Variants in PIK3R1 observed in about 807,000 individuals in gnomAD.
PIK3R1 encodes the protein phosphoinositide-3-kinase regulatory subunit 1.
Under a neutral mutation model 98.0 loss-of-function variants are expected in PIK3R1, and 29 were observed. The observed-to-expected ratio is 0.30, with a 90% confidence interval of 0.22 to 0.40. The LOEUF is 0.40. PIK3R1 is among the 10% of genes least tolerant of loss of function. The pLI, the probability that PIK3R1 is intolerant of heterozygous loss-of-function variation, is 1.00. For synonymous variants in PIK3R1, 282 were observed against 311.8 expected (o/e 0.90, Z 1.01); for missense variants, 596 against 872.7 (o/e 0.68, Z 3.99).
At chr5:68,290,587 T>A (rs1747330850) in intron 7 of PIK3R1, 1 of 1,270,448 alleles carries the variant, frequency 7.9e-7, no homozygotes, top group East Asian at 2.7e-5. Flanking sequence ...GACATTTTTC[T>A]GACTTGATTG....
intron 2 of PIK3R1, among the ~76,000 whole-genome samples, chr5:68,270,380 T>C (rs141996003): frequency 2.0e-5 from 3 of 152,306 alleles, no homozygotes; most frequent in African/African-American, 7.2e-5. Context: ...AACTTTTGGG[T>C]GCATATTTCA....
Position 68,300,379 on chromosome 5 carries a change from G to A in PIK3R1, c.*2778G>A. ...ACAGTCCTAACAATATTGTCTGAACGGCTGAATATGAATAGATACAGCAGA... is the reference window on the plus strand; with the variant it reads ...ACAGTCCTAACAATATTGTCTGAACAGCTGAATATGAATAGATACAGCAGA... On this transcript the variant is annotated 3_prime_UTR_variant, in exon 16 of 16. Transcript: ENST00000521381. 2 of 232,794 alleles carry A rather than the reference G, an allele frequency of 8.6e-6. No homozygotes were observed. Among genetic ancestry groups the A allele is most frequent in the African/African-American group, 2.2e-5 (1 of 45,428 alleles). The allele number at this position is 232,794 out of a possible 1,614,324, so 14.4% of individuals were successfully genotyped here. A position where few individuals can be genotyped will look rare whatever the true frequency, so the allele number is the denominator to read the frequency against.
intron 2 of PIK3R1, chr5:68,240,062 A>G (rs913086772): frequency 3.1e-5 from 8 of 261,692 alleles, no homozygotes; most frequent in Admixed American, 5.0e-5. Flanking sequence ...TGTAGATAAC[A>G]TTATAGATTT....
At chr5:68,217,985 A>C (rs1435856895) in intron 1 of PIK3R1, among the ~76,000 whole-genome samples, 1 of 152,062 alleles carries the variant, frequency 6.6e-6, no homozygotes, top group African/African-American at 2.4e-5. Context: ...CTGCTATTTG[A>C]TGTTTTATCT....
At chr5:68,271,554 C>T (rs971836422) in intron 2 of PIK3R1, among the ~76,000 whole-genome samples, 2 of 150,614 alleles carry the variant, frequency 1.3e-5, no homozygotes, top group African/African-American at 5.0e-5. Context: ...GCACTAGCCA[C>T]CTATGGTTGT....
chr5:68,265,272 A>C (rs751604482), intron 2 of PIK3R1, among the ~76,000 whole-genome samples: 2 of 152,138 alleles, frequency 1.3e-5, no homozygotes, highest in African/African-American at 4.8e-5. Flanking sequence ...GAGGGTATTT[A>C]TTTACTAAAT....
intron 4 of PIK3R1, 89 bp from the exon 5 acceptor site, chr5:68,279,510 TGTC>T: frequency 1.2e-6 from 1 of 850,918 alleles, no homozygotes; most frequent in South Asian, 2.0e-5. Context: ...TTTTTTTTTT[TGTC>T]ACATGTGAGT....
intron 2 of PIK3R1, among the ~76,000 whole-genome samples, chr5:68,259,914 G>T (rs980416331): frequency 6.6e-6 from 1 of 152,146 alleles, no homozygotes; most frequent in Non-Finnish European, 1.5e-5. Flanking sequence ...AAATCCTGGT[G>T]CTGACTAGTA....
chr5:68,294,502 G>C (rs777415994), intron 11 of PIK3R1, 34 bp from the exon 12 acceptor site: 7 of 1,540,066 alleles, frequency 4.5e-6, no homozygotes, highest in Non-Finnish European at 6.2e-6. Context: ...TTCTATGAAA[G>C]GTATGACATT....
intron 2 of PIK3R1, among the ~76,000 whole-genome samples, chr5:68,240,676 A>G (rs1020254333): frequency 2.0e-5 from 3 of 152,324 alleles, no homozygotes; most frequent in Admixed American, 1.3e-4. Flanking sequence ...TTTTATCCCC[A>G]TAACTGCTTT....
Position 68,299,226 on chromosome 5 carries a change from G to GAA in PIK3R1, c.*1634_*1635dup, listed in dbSNP as rs373752070. The GAA allele has an allele frequency of 5.9e-5, 13 of 218,514 alleles. No homozygotes were observed. The highest frequency in any genetic ancestry group is 8.2e-5 in the Non-Finnish European group (9 of 110,056). The allele number at this position is 218,514 out of a possible 1,614,324, so 13.5% of individuals were successfully genotyped here. ...CATGACCAGCAAATACTCATTTTAG[G>GAA]AAAAAAAAAAGCATGATCTGAAAAA... On this transcript the variant is annotated 3_prime_UTR_variant, in exon 16 of 16. Coordinates refer to ENST00000521381, the MANE Select transcript of PIK3R1 (RefSeq NM_181523.3).
At chr5:68,233,309 T>C (rs1317391094) in intron 2 of PIK3R1, among the ~76,000 whole-genome samples, 2 of 152,384 alleles carry the variant, frequency 1.3e-5, no homozygotes, top group African/African-American at 4.8e-5. Context: ...GATGTAGCAC[T>C]GGTCTGAAGT....
At position 68,261,016 on chromosome 5, in the gene PIK3R1, G is replaced by A. The variant is rs187557807; in HGVS notation, c.335-12374G>A. Among the ~76,000 whole-genome samples the A allele has an allele frequency of 2.0e-5, 3 of 152,288 alleles. No individual in the cohort carries two copies. The East Asian group carries it at 5.8e-4, about 29-fold the overall frequency. Reference sequence around the variant, plus strand: ...TTATAAGTTAGTGTAGCCCAGTGAAGTATAATTAAATGTTGCCATTCTCCC... The same window carrying A: ...TTATAAGTTAGTGTAGCCCAGTGAAATATAATTAAATGTTGCCATTCTCCC... On this transcript the variant is annotated intron_variant, in intron 2 of 15. Coordinates refer to ENST00000521381, the MANE Select transcript of PIK3R1 (RefSeq NM_181523.3).
In PIK3R1 at chr5:68,288,532, C is replaced by T. The variant is rs938085021; in HGVS notation, c.917-3727C>T. On this transcript the variant is annotated intron_variant, in intron 7 of 15. Transcript: ENST00000521381. ...GAGGGACGAGCCGAGCCGAGCCAAG[C>T]GGAGCTGGGCCACTGTGCACGCCCG... 14 of 1,384,880 alleles carry T rather than the reference C, an allele frequency of 1.0e-5. No homozygotes were observed. In the African/African-American group the frequency reaches 1.7e-4, roughly 16 times the overall value. The allele number at this position is 1,384,880 out of a possible 1,614,324, so 85.8% of individuals were successfully genotyped here.
intron 2 of PIK3R1, among the ~76,000 whole-genome samples, chr5:68,228,488 G>T (rs1744362386): frequency 6.6e-6 from 1 of 151,908 alleles, no homozygotes; most frequent in Admixed American, 6.6e-5. Context: ...ATTTTTCTTT[G>T]CAGATCAATC....
At position 68,264,713 on chromosome 5, in the gene PIK3R1, G is replaced by A. The variant is rs374087241; in HGVS notation, c.335-8677G>A. 9.9e-5 allele frequency among the ~76,000 whole-genome samples: 15 copies of A among 152,250 alleles called. No homozygotes were observed. The East Asian group carries it at 2.1e-3, about 22-fold the overall frequency. On this transcript the variant is annotated intron_variant, in intron 2 of 15. Coordinates refer to ENST00000521381, the MANE Select transcript of PIK3R1 (RefSeq NM_181523.3). ...AGAGCAAAGTCCTCTTGAATGTGGC[G>A]AGGTAGGAAAGGCTCTGGCATGGGC... is the stretch of plus-strand genomic sequence containing the variant.
chr5:68,234,552 A>G (rs1032841880), intron 2 of PIK3R1, among the ~76,000 whole-genome samples: 5 of 152,240 alleles, frequency 3.3e-5, no homozygotes, highest in African/African-American at 1.2e-4. Flanking sequence ...ATGTTTCACC[A>G]GTGTGAATAT....
In PIK3R1 at chr5:68,299,163, T is replaced by G. The variant is rs2112304444; in HGVS notation, c.*1562T>G. ...CTCACCTTTGTTTAGAACACTGGTT[T>G]AAAGGGATAATCATCTCTGTCACAT... On this transcript the variant is annotated 3_prime_UTR_variant, in exon 16 of 16. Coordinates refer to ENST00000521381, the MANE Select transcript of PIK3R1 (RefSeq NM_181523.3). 1 of 233,596 alleles carries G rather than the reference T, an allele frequency of 4.3e-6. No individual in the cohort carries two copies. The highest frequency in any genetic ancestry group is 6.0e-5 in the East Asian group (1 of 16,574). The allele number at this position is 233,596 out of a possible 1,614,324, so 14.5% of individuals were successfully genotyped here. A position where few individuals can be genotyped will look rare whatever the true frequency, so the allele number is the denominator to read the frequency against.
At chr5:68,247,948 C>T (rs1265697578) in intron 2 of PIK3R1, among the ~76,000 whole-genome samples, 14 of 152,136 alleles carry the variant, frequency 9.2e-5, no homozygotes, top group African/African-American at 3.4e-4. Context: ...AAAACAAAAA[C>T]AGTTTTTTGT....
Sources: allele counts gnomAD v4.1 joint callset (sites outside exome capture counted in the v4.1 genomes callset), GRCh38; gene constraint gnomAD v4.1.1; transcripts MANE v1.5; gene names NCBI Gene and HGNC (gene_info 2026-07-23, HGNC 2026-07-21).